The following MYO5B variants were observed in gnomAD, a reference collection of about 807,000 sequenced individuals.
The protein encoded by MYO5B is myosin VB.
Under a neutral mutation model 229.3 loss-of-function variants are expected in MYO5B, and 143 were observed. That is an observed-to-expected ratio of 0.62 (90% confidence interval 0.54 to 0.72). MYO5B has a LOEUF of 0.72. MYO5B is among the 30% of genes least tolerant of loss of function. The probability of loss-of-function intolerance (pLI) is 0.00; values close to 1 mark genes in which losing one functional copy is unlikely to be tolerated. For missense variants in MYO5B, 2,321 were observed against 2,331.0 expected (o/e 1.00, Z 0.09); for synonymous variants, 918 against 885.2 (o/e 1.04, Z -0.66).
Position 49,968,180 on chromosome 18 carries a change from T to C in MYO5B, c.1323-5150A>G, listed in dbSNP as rs117964681. Among the ~76,000 whole-genome samples, 174 of 152,270 alleles carry C rather than the reference T, an allele frequency of 1.1e-3. 2 individuals carry two copies. The East Asian group carries it at 0.022, about 19-fold the overall frequency. On this transcript the variant is annotated intron_variant, in intron 10 of 39. Transcript: ENST00000285039. ...CAAGGAATAGAAATTGTATGTGTTG[T>C]AGGCTTTTAAAAGACAATGAGGCCA... is the stretch of plus-strand genomic sequence containing the variant.
At chr18:50,144,485 G>C (rs1044076466) in intron 1 of MYO5B, among the ~76,000 whole-genome samples, 1 of 152,078 alleles carries the variant, frequency 6.6e-6, no homozygotes, top group Non-Finnish European at 1.5e-5. Flanking sequence ...AGTCCTTTTT[G>C]ACAGTCCCCC....
At chr18:50,059,475 T>G (rs1385160895) in intron 1 of MYO5B, among the ~76,000 whole-genome samples, 3 of 152,206 alleles carry the variant, frequency 2.0e-5, no homozygotes, top group Non-Finnish European at 4.4e-5. Context: ...AGAAAGTTGG[T>G]AGCCAAATTC....
intron 4 of MYO5B, among the ~76,000 whole-genome samples, chr18:50,034,275 T>A (rs984992946): frequency 6.6e-6 from 1 of 152,186 alleles, no homozygotes. Flanking sequence ...ATGAATGTGT[T>A]CTAGTGTCTA....
chr18:49,902,633 C>G lies in MYO5B; in HGVS notation c.2772G>C (p.Glu924Asp). 6.2e-7 allele frequency: 1 copy of G among 1,613,392 alleles called. No individual in the cohort carries two copies. Among genetic ancestry groups the G allele is most frequent in the Non-Finnish European group, 8.5e-7 (1 of 1,180,026 alleles). ...EHLKRLNVGMENKVVQLQRKI... is the reference protein window; with the variant it reads ...EHLKRLNVGMDNKVVQLQRKI... Reference sequence around the variant, plus strand: ...TCCGCTGCAGCTGGACCACCTTGTTCTCCATGCCCACGTTGAGACGTTTCA... The same window carrying G: ...TCCGCTGCAGCTGGACCACCTTGTTGTCCATGCCCACGTTGAGACGTTTCA... The change falls in exon 21 of 40, where the codon GAG (glutamate) becomes GAC (aspartate). Residue 924 changes from glutamate (E) to aspartate (D), a missense_variant. Around this residue, in one of 2 missense-constraint regions of MYO5B, gnomAD observed 2,113 missense variants for 2,044.7 expected, o/e 1.03. Coordinates refer to ENST00000285039, the MANE Select transcript of MYO5B (RefSeq NM_001080467.3).
chr18:50,139,456 C>G (rs1197754771), intron 1 of MYO5B, among the ~76,000 whole-genome samples: 1 of 152,224 alleles, frequency 6.6e-6, no homozygotes, highest in Non-Finnish European at 1.5e-5. Context: ...TAACTCCTTA[C>G]AAGAGTCTTG....
intron 1 of MYO5B, among the ~76,000 whole-genome samples, chr18:50,156,905 C>A (rs1255450005): frequency 6.6e-6 from 1 of 152,194 alleles, no homozygotes; most frequent in Non-Finnish European, 1.5e-5. Context: ...TCCAACGCTA[C>A]TGTCACCAAT....
chr18:50,034,381 C>T (rs550329556), intron 4 of MYO5B, among the ~76,000 whole-genome samples: 18 of 152,336 alleles, frequency 1.2e-4, no homozygotes, highest in Admixed American at 3.3e-4. Context: ...ACAGATTCTG[C>T]TGAGGCTTCC....
At chr18:50,018,198 T>C (rs2026236469) in intron 4 of MYO5B, among the ~76,000 whole-genome samples, 1 of 152,180 alleles carries the variant, frequency 6.6e-6, no homozygotes, top group South Asian at 2.1e-4. Context: ...AATCTCCTGC[T>C]ACCTTAGCCT....
chr18:50,183,422 G>T (rs1300777207), intron 1 of MYO5B, among the ~76,000 whole-genome samples: 2 of 150,060 alleles, frequency 1.3e-5, no homozygotes, highest in East Asian at 2.0e-4. Flanking sequence ...CACATTAAAT[G>T]ATGATACCTA....
At chr18:49,932,953 A>G (rs529502200) in intron 16 of MYO5B, among the ~76,000 whole-genome samples, 25 of 152,276 alleles carry the variant, frequency 1.6e-4, no homozygotes, top group Non-Finnish European at 3.2e-4. Context: ...CAATTAACAT[A>G]GAAAAATCAC....
intron 1 of MYO5B, among the ~76,000 whole-genome samples, chr18:50,087,482 A>G (rs1487627826): frequency 1.3e-5 from 2 of 151,358 alleles, no homozygotes; most frequent in African/African-American, 4.9e-5. Flanking sequence ...GTGAGGCAGG[A>G]GAATCGCTTG....
At chr18:49,828,840 T>C (rs1383910623) in intron 39 of MYO5B, among the ~76,000 whole-genome samples, 2 of 150,950 alleles carry the variant, frequency 1.3e-5, no homozygotes, top group African/African-American at 2.4e-5. Context: ...GCAATAAAAA[T>C]ATAATAAACC....
intron 4 of MYO5B, among the ~76,000 whole-genome samples, chr18:50,028,720 A>G (rs2026357872): frequency 6.6e-6 from 1 of 152,250 alleles, no homozygotes; most frequent in African/African-American, 2.4e-5. Flanking sequence ...GGCAGCATCC[A>G]AAAGACCACT....
intron 1 of MYO5B, among the ~76,000 whole-genome samples, chr18:50,058,203 A>T (rs2030598807): frequency 6.6e-6 from 1 of 152,342 alleles, no homozygotes; most frequent in South Asian, 2.1e-4. Flanking sequence ...GCAGTGGCTC[A>T]TGCCTATCAT....
In MYO5B at chr18:49,927,366, A is replaced by AT. The variant is rs555636301; in HGVS notation, c.2090+2145_2090+2146insA. On this transcript the variant is annotated intron_variant, in intron 17 of 39. Coordinates refer to ENST00000285039, the MANE Select transcript of MYO5B (RefSeq NM_001080467.3). The stretch of plus-strand genomic sequence containing the variant: ...CATATTTCTTCACAGAACTAAAAAA[A>AT]AAAAAATCCTAAAATCATATGGAAC... 9.9e-5 allele frequency among the ~76,000 whole-genome samples: 15 copies of AT among 152,036 alleles called. No homozygotes were observed. In the South Asian group the frequency reaches 2.9e-3, roughly 29 times the overall value.
At position 49,992,415 on chromosome 18, in the gene MYO5B, T is replaced by C; in HGVS notation, c.629A>G (p.Lys210Arg). The stretch of plus-strand genomic sequence containing the variant: ...GCTGCTGTTGTCATTGCGGGTGGTC[T>C]TGGCATTTCCAATGGCCTGCACAGA... ...SPIMEAIGNA[K>R]TTRNDNSSRF... The change falls in exon 6 of 40, where the codon AAG (lysine) becomes AGG (arginine). Residue 210 changes from lysine (K) to arginine (R), a missense_variant. Lys to Arg is a conservative substitution (Grantham distance 26). Transcript: ENST00000285039. 6.2e-7 allele frequency: 1 copy of C among 1,614,116 alleles called. No homozygotes were observed. The highest frequency in any genetic ancestry group is 8.5e-7 in the Non-Finnish European group (1 of 1,180,008).
rs190091359 is a variant in MYO5B, at chr18:49,982,367, T to C, written c.947-1814A>G. Among the ~76,000 whole-genome samples, 122 of 152,310 alleles carry C rather than the reference T, an allele frequency of 8.0e-4. 2 individuals carry two copies. The highest frequency in any genetic ancestry group is 4.0e-4 in the Non-Finnish European group (27 of 68,014). On this transcript the variant is annotated intron_variant, in intron 8 of 39. Coordinates refer to ENST00000285039, the MANE Select transcript of MYO5B (RefSeq NM_001080467.3). ...GCCACTGTACCTGGCCTACTTCCTT[T>C]ACTCTTGAGAACCAATGCTCTGTCA...
At chr18:49,902,977 A>C (rs1489807291) in intron 20 of MYO5B, 144 bp from the exon 21 acceptor site, 5 of 1,061,436 alleles carry the variant, frequency 4.7e-6, no homozygotes, top group Admixed American at 2.2e-5. Context: ...CCTAAGATCT[A>C]AGGCTTTGGT....
At position 50,040,285 on chromosome 18, in the gene MYO5B, G is replaced by C; in HGVS notation, c.168C>G (p.Arg56=). The C allele has an allele frequency of 6.2e-7, 1 of 1,614,100 alleles. No individual in the cohort carries two copies. The highest frequency in any genetic ancestry group is 8.5e-7 in the Non-Finnish European group (1 of 1,180,024). The stretch of plus-strand genomic sequence containing the variant: ...GATTCCGTAAGAAGGGCAGCTGGTT[G>C]CGTTGTACATCAATTGGGTATTCCA... The part of the protein sequence containing the change: ...TILEYPIDVQ[R]NQLPFLRNPD... Residue 56 remains arginine (R), a synonymous_variant, in exon 3 of 40, where the codon CGC becomes CGG. Transcript: ENST00000285039.
Sources: gnomAD v4.1 joint callset for allele counts (sites outside exome capture counted in the v4.1 genomes callset) on GRCh38, gnomAD v4.1.1 for gene constraint, gnomAD v4.1.1 regional missense constraint, MANE v1.5 for transcripts, NCBI Gene and HGNC (gene_info 2026-07-23, HGNC 2026-07-21) for gene names.